Variants in ENOX1 observed in about 807,000 individuals in gnomAD.
ENOX1 encodes candidate growth-related and time keeping constitutive hydroquinone (NADH) oxidase.
ENOX1 carries 42 observed loss-of-function variants against 82.5 expected under a neutral mutation model. That is an observed-to-expected ratio of 0.51 (90% CI 0.40 to 0.66). The LOEUF (loss-of-function observed/expected upper bound fraction) is 0.66, where lower values mean the gene tolerates loss of function less well. Ranked by LOEUF, ENOX1 falls within the 30% of genes least tolerant of loss-of-function variation. The probability of loss-of-function intolerance (pLI) is 0.00; values close to 1 mark genes in which losing one functional copy is unlikely to be tolerated. For missense variants in ENOX1, 608 were observed against 811.6 expected (o/e 0.75, Z 3.05); for synonymous variants, 271 against 282.2 (o/e 0.96, Z 0.40).
At chr13:43,733,148 C>T (rs997434094) in intron 1 of ENOX1, among the ~76,000 whole-genome samples, 2 of 152,046 alleles carry the variant, frequency 1.3e-5, no homozygotes. Flanking sequence ...CCCACAACAC[C>T]GTGAGCATTA....
chr13:43,658,916 A>C (rs1161957100), intron 2 of ENOX1, among the ~76,000 whole-genome samples: 1 of 152,134 alleles, frequency 6.6e-6, no homozygotes, highest in Non-Finnish European at 1.5e-5. Flanking sequence ...TTAATCAGGA[A>C]ACTTCTGTTT....
chr13:43,527,924 G>GT (rs892371168), intron 2 of ENOX1, among the ~76,000 whole-genome samples: 28 of 152,048 alleles, frequency 1.8e-4, no homozygotes, highest in African/African-American at 6.5e-4. Context: ...ATGATATACT[G>GT]TTTGGAAAAC....
At chr13:43,580,834 G>T (rs2080686990) in intron 2 of ENOX1, among the ~76,000 whole-genome samples, 1 of 152,146 alleles carries the variant, frequency 6.6e-6, no homozygotes, top group Non-Finnish European at 1.5e-5. Context: ...GTCTTTAGAA[G>T]TTTATTTTAG....
At chr13:43,612,512 T>C (rs1049087701) in intron 2 of ENOX1, among the ~76,000 whole-genome samples, 3 of 91,774 alleles carry the variant, frequency 3.3e-5, no homozygotes, top group Non-Finnish European at 8.9e-5. Flanking sequence ...AAAGGTCCGA[T>C]TTTTTTTGCA....
intron 2 of ENOX1, among the ~76,000 whole-genome samples, chr13:43,628,590 T>C (rs535973955): frequency 6.6e-6 from 1 of 152,348 alleles, no homozygotes; most frequent in South Asian, 2.1e-4. Flanking sequence ...ATTCTGACAG[T>C]CATCCCAATG....
At chr13:43,305,414 A>C (rs2046803225) in intron 11 of ENOX1, among the ~76,000 whole-genome samples, 1 of 152,192 alleles carries the variant, frequency 6.6e-6, no homozygotes, top group South Asian at 2.1e-4. Flanking sequence ...GGGAAAGCTA[A>C]ACAGAAGCAC....
intron 2 of ENOX1, among the ~76,000 whole-genome samples, chr13:43,495,811 A>T (rs182081155): frequency 2.3e-4 from 35 of 151,980 alleles, no homozygotes; most frequent in African/African-American, 7.5e-4. Context: ...CAAGAATTTC[A>T]GTATTACCAC....
Position 43,588,355 on chromosome 13 carries a change from C to A in ENOX1, c.-219+79124G>T, listed in dbSNP as rs538639350. Among the ~76,000 whole-genome samples the A allele has an allele frequency of 1.7e-3, 257 of 152,296 alleles. 2 individuals carry two copies. Among genetic ancestry groups the A allele is most frequent in the African/African-American group, 5.9e-3 (245 of 41,572 alleles). ...CTATAAGATCAAAAAAGTCACATTA[C>A]TCTTTAAGATCTCCATTTCTTTTAC... On this transcript the variant is annotated intron_variant, in intron 2 of 16. Transcript: ENST00000690772.
At chr13:43,363,206 T>C (rs1220486759) in intron 5 of ENOX1, among the ~76,000 whole-genome samples, 1 of 152,200 alleles carries the variant, frequency 6.6e-6, no homozygotes. Context: ...GTTTCACAAG[T>C]ATGATTTCCA....
At chr13:43,337,842 C>T (rs769096060) in intron 9 of ENOX1, among the ~76,000 whole-genome samples, 10 of 152,316 alleles carry the variant, frequency 6.6e-5, no homozygotes, top group Non-Finnish European at 1.3e-4. Context: ...ACCAAAGCCT[C>T]TCACGTCTGC....
intron 5 of ENOX1, among the ~76,000 whole-genome samples, chr13:43,374,395 G>A (rs2051473307): frequency 6.6e-6 from 1 of 151,606 alleles, no homozygotes; most frequent in Non-Finnish European, 1.5e-5. Flanking sequence ...ACAGGTGTGT[G>A]CCACCACACC....
intron 3 of ENOX1, among the ~76,000 whole-genome samples, chr13:43,414,818 C>T (rs1046786870): frequency 9.9e-5 from 15 of 152,122 alleles, no homozygotes; most frequent in Non-Finnish European, 1.5e-4. Flanking sequence ...ATTTTTTTCT[C>T]GAGTCTGCAG....
intron 7 of ENOX1, among the ~76,000 whole-genome samples, chr13:43,356,512 G>T (rs995210512): frequency 3.3e-5 from 5 of 152,050 alleles, no homozygotes; most frequent in African/African-American, 1.2e-4. Flanking sequence ...TTGGCATGGA[G>T]CATTTTTTTT....
intron 1 of ENOX1, among the ~76,000 whole-genome samples, chr13:43,747,885 C>G (rs1950112873): frequency 6.6e-6 from 1 of 152,174 alleles, no homozygotes; most frequent in South Asian, 2.1e-4. Flanking sequence ...GATCTTTTGT[C>G]ACCAGTATCT....
chr13:43,390,331 T>C (rs1286839894), intron 5 of ENOX1, among the ~76,000 whole-genome samples: 1 of 106,606 alleles, frequency 9.4e-6, no homozygotes, highest in Non-Finnish European at 2.8e-5. Context: ...TTGCACCAGA[T>C]GGCTGTGTCT....
chr13:43,757,619 C>CAATACACACCTA (rs1329976935), intron 1 of ENOX1, among the ~76,000 whole-genome samples: 1 of 152,116 alleles, frequency 6.6e-6, no homozygotes, highest in Admixed American at 6.5e-5. Flanking sequence ...AGAGAGGTAT[C>CAATACACACCTA]AATACACACC....
In ENOX1 at chr13:43,695,000, G is replaced by A. The variant is rs1004771265; in HGVS notation, c.-284-27456C>T. On this transcript the variant is annotated intron_variant, in intron 1 of 16. Transcript: ENST00000690772. Reference sequence around the variant, plus strand: ...CAGCAACCATTCTGTTTCTTGCGACGATAGAAAACACAAGTCACAGTGAGA... The same window carrying A: ...CAGCAACCATTCTGTTTCTTGCGACAATAGAAAACACAAGTCACAGTGAGA... Among the ~76,000 whole-genome samples, 11 of 152,226 alleles carry A rather than the reference G, an allele frequency of 7.2e-5. No individual in the cohort carries two copies. The East Asian group carries it at 1.4e-3, about 19-fold the overall frequency.
chr13:43,226,413 T>C (rs1290835288), intron 15 of ENOX1, among the ~76,000 whole-genome samples: 5 of 152,252 alleles, frequency 3.3e-5, no homozygotes, highest in African/African-American at 1.2e-4. Context: ...ACGTTTATCA[T>C]TTCTTTGTGT....
At chr13:43,479,913 A>C (rs1488218099) in intron 3 of ENOX1, among the ~76,000 whole-genome samples, 1 of 151,774 alleles carries the variant, frequency 6.6e-6, no homozygotes. Flanking sequence ...TGGTTACTAA[A>C]CATTCTTTTA....
Sources: gnomAD v4.1 joint callset for allele counts (sites outside exome capture counted in the v4.1 genomes callset) on GRCh38, gnomAD v4.1.1 for gene constraint, MANE v1.5 for transcripts, NCBI Gene and HGNC (gene_info 2026-07-23, HGNC 2026-07-21) for gene names.